NAT8L: variants seen among roughly 807,000 people sequenced by gnomAD.
NAT8L encodes the protein N-acetylaspartate synthetase.
A neutral mutation model predicts 21.2 loss-of-function variants in NAT8L; 6 were observed. The ratio of observed to expected loss-of-function variants is 0.28; its 90% CI spans 0.16 to 0.56. The LOEUF is 0.56. NAT8L is among the 20% of genes least tolerant of loss of function. The pLI, the probability that NAT8L is intolerant of heterozygous loss-of-function variation, is 0.93. For missense variants in NAT8L, 331 were observed against 433.3 expected (o/e 0.76, Z 2.10); for synonymous variants, 239 against 204.9 (o/e 1.17, Z -1.42).
chr4:2,062,261 C>T (rs1266728829), intron 2 of NAT8L, among the ~76,000 whole-genome samples: 4 of 152,124 alleles, frequency 2.6e-5, no homozygotes, highest in African/African-American at 7.2e-5. Flanking sequence ...CTGGGAGCTG[C>T]TTGTGCACAT....
intron 2 of NAT8L, among the ~76,000 whole-genome samples, chr4:2,062,891 C>T (rs1367945803): frequency 7.9e-5 from 12 of 152,192 alleles, no homozygotes; most frequent in South Asian, 4.1e-4. Context: ...CTGGGTGCCA[C>T]CTCTGCCTTT....
rs536401527 is a variant in NAT8L, at chr4:2,060,967, C to T, written c.377-31C>T. ...GTCTCTGGGGCCTGGGGACCCCCGC[C>T]GCGCCGCTGACCCGCGCCCTCTGCC... On this transcript the variant is annotated intron_variant, in intron 1 of 2. Coordinates refer to ENST00000423729, the MANE Select transcript of NAT8L (RefSeq NM_178557.4). The surrounding 1 kb of genome is among the most constrained non-coding windows in gnomAD (Gnocchi z 4.7). 4.5e-6 allele frequency: 6 copies of T among 1,346,490 alleles called. No individual in the cohort carries two copies. The African/African-American group carries it at 6.1e-5, about 14-fold the overall frequency. 83.4% of individuals were successfully genotyped at this position (1,346,490 alleles called of 1,614,324 possible).
In NAT8L at chr4:2,059,960, CGGACCCCGCGCCCGGCTCCCGG is replaced by C. The variant is rs1216195186; in HGVS notation, c.376+79_376+100del. ...GAGCTCCCCCGCCCCGGCGTCCACG[CGGACCCCGCGCCCGGCTCCCGG>C]GGACCAGCCTGGGAAGCCCCCCGCT... is the stretch of plus-strand genomic sequence containing the variant. On this transcript the variant is annotated intron_variant, in intron 1 of 2. Transcript: ENST00000423729. The surrounding 1 kb of genome is among the most constrained non-coding windows in gnomAD (Gnocchi z 4.8). The C allele has an allele frequency of 2.5e-4, 224 of 905,084 alleles. No homozygotes were observed. In the African/African-American group the frequency reaches 3.8e-3, roughly 16 times the overall value. The allele number at this position is 905,084 out of a possible 1,614,324, so 56.1% of individuals were successfully genotyped here. A position where few individuals can be genotyped will look rare whatever the true frequency, so the allele number is the denominator to read the frequency against.
At chr4:2,061,803 GC>G (rs1230342018) in intron 2 of NAT8L, among the ~76,000 whole-genome samples, 1 of 152,156 alleles carries the variant, frequency 6.6e-6, no homozygotes, top group Non-Finnish European at 1.5e-5. Flanking sequence ...TGAAGACTCT[GC>G]TCTCTGGGGT....
Position 2,059,482 on chromosome 4 carries a change from TC to T in NAT8L, c.-26del, listed in dbSNP as rs1729809132. Reference sequence around the variant, plus strand: ...CCGTGCCCGCCGCCGCCCGGCCGCGTCCCCGCTGCCGCGCCGCCCGGCCGGG... The same window carrying T: ...CCGTGCCCGCCGCCGCCCGGCCGCGTCCCGCTGCCGCGCCGCCCGGCCGGG... On this transcript the variant is annotated 5_prime_UTR_variant, in exon 1 of 3. Coordinates refer to ENST00000423729, the MANE Select transcript of NAT8L (RefSeq NM_178557.4). The surrounding 1 kb of genome is among the most constrained non-coding windows in gnomAD (Gnocchi z 4.8). 1 of 927,826 alleles carries T rather than the reference TC, an allele frequency of 1.1e-6. No homozygotes were observed. The highest frequency in any genetic ancestry group is 1.3e-6 in the Non-Finnish European group (1 of 784,724). The allele number at this position is 927,826 out of a possible 1,614,324, so 57.5% of individuals were successfully genotyped here.
chr4:2,061,188 G>T, intron 2 of NAT8L, 26 bp downstream of exon 2: 1 of 1,609,844 alleles, frequency 6.2e-7, no homozygotes, highest in South Asian at 1.1e-5. Flanking sequence ...GCCGCTCCCC[G>T]ACCTCCGCCC....
chr4:2,064,474 C>CCT lies in NAT8L; in HGVS notation c.*350_*351dup, dbSNP rs1339629746. ...CCAGCCTTGCTCACCAAGCACAGAA[C>CCT]CTCTGCAGCAGATCCCGGGGCCAGG... On this transcript the variant is annotated 3_prime_UTR_variant, in exon 3 of 3. Transcript: ENST00000423729. The CCT allele has an allele frequency of 6.3e-6, 1 of 159,522 alleles. No homozygotes were observed. Among genetic ancestry groups the CCT allele is most frequent in the African/African-American group, 2.4e-5 (1 of 41,570 alleles). 9.9% of individuals were successfully genotyped at this position (159,522 alleles called of 1,614,324 possible).
chr4:2,062,881 C>T (rs987610965), intron 2 of NAT8L, among the ~76,000 whole-genome samples: 7 of 152,220 alleles, frequency 4.6e-5, no homozygotes, highest in African/African-American at 1.7e-4. Flanking sequence ...AGAGAGGTCT[C>T]TGGGTGCCAC....
intron 2 of NAT8L, 53 bp downstream of exon 2, chr4:2,061,215 G>A: frequency 1.2e-6 from 2 of 1,604,276 alleles, no homozygotes; most frequent in Admixed American, 1.7e-5. Flanking sequence ...GCCCTCGGGG[G>A]CACGCACTCC....
rs993763750 is a variant in NAT8L, at chr4:2,059,862, G to A, written c.351G>A (p.Ala117=). ...GCGGCCTGCGGCAGCACCCGCGCGC[G>A]CAGCTGCTCTACGCCCTGCTGGCGG... is the stretch of plus-strand genomic sequence containing the variant. ...AFRGLRQHPR[A]QLLYALLAAL... is the part of the protein sequence containing the mutation. Residue 117 remains alanine (A), a synonymous_variant, in exon 1 of 3, where the codon GCG becomes GCA. Transcript: ENST00000423729. This position sits in a 1 kb window ranked among gnomAD's most constrained non-coding sequence, Gnocchi z 4.8. 16 of 1,374,410 alleles carry A rather than the reference G, an allele frequency of 1.2e-5. No homozygotes were observed. Among genetic ancestry groups the A allele is most frequent in the African/African-American group, 1.5e-5 (1 of 65,454 alleles). 85.1% of individuals were successfully genotyped at this position (1,374,410 alleles called of 1,614,324 possible). A position where few individuals can be genotyped will look rare whatever the true frequency, so the allele number is the denominator to read the frequency against.
chr4:2,063,974 G>C lies in NAT8L; in HGVS notation c.756G>C (p.Lys252Asn). The C allele has an allele frequency of 6.2e-7, 1 of 1,611,740 alleles. No homozygotes were observed. The highest frequency in any genetic ancestry group is 8.5e-7 in the Non-Finnish European group (1 of 1,179,518). ...SAVVLGTTAVKVAAHKLYESL... is the reference protein window; with the variant it reads ...SAVVLGTTAVNVAAHKLYESL... ...TGGTGCTGGGCACGACGGCCGTCAA[G>C]GTGGCCGCCCACAAGCTCTACGAGT... Residue 252 changes from lysine (K) to asparagine (N), a missense_variant, in exon 3 of 3, where the codon AAG becomes AAC. By Grantham distance (94) the Lys-to-Asn change is moderately conservative. Around this residue, in one of 2 missense-constraint regions of NAT8L, gnomAD observed 132 missense variants for 237.1 expected, o/e 0.56. Coordinates refer to ENST00000423729, the MANE Select transcript of NAT8L (RefSeq NM_178557.4).
chr4:2,063,203 T>C (rs915545192), intron 2 of NAT8L, among the ~76,000 whole-genome samples: 1 of 152,264 alleles, frequency 6.6e-6, no homozygotes, highest in African/African-American at 2.4e-5. Context: ...GGACGCACTT[T>C]GCTGACCCCT....
At chr4:2,063,709 G>T in intron 2 of NAT8L, 51 bp from the exon 3 acceptor site, 1 of 1,603,084 alleles carries the variant, frequency 6.2e-7, no homozygotes, top group Non-Finnish European at 8.5e-7. Flanking sequence ...AGGTGGAGGG[G>T]TCTCCCCAGC....
In NAT8L at chr4:2,059,448, T is replaced by G; in HGVS notation, c.-64T>G. The G allele has an allele frequency of 1.3e-6, 1 of 788,198 alleles. No individual in the cohort carries two copies. The highest frequency in any genetic ancestry group is 1.4e-4 in the East Asian group (1 of 7,184). 48.8% of individuals were successfully genotyped at this position (788,198 alleles called of 1,614,324 possible). A position where few individuals can be genotyped will look rare whatever the true frequency, so the allele number is the denominator to read the frequency against. On this transcript the variant is annotated 5_prime_UTR_variant, in exon 1 of 3. Transcript: ENST00000423729. The surrounding 1 kb of genome is among the most constrained non-coding windows in gnomAD (Gnocchi z 4.8). ...GTCCGAGGGCGCCGCGCCCTTGCCC[T>G]GGGCCCGGCCGTGCCCGCCGCCGCC...
At position 2,066,289 on chromosome 4, in the gene NAT8L, G is replaced by T. The variant is rs1407863582; in HGVS notation, c.*2162G>T. On this transcript the variant is annotated 3_prime_UTR_variant, in exon 3 of 3. Coordinates refer to ENST00000423729, the MANE Select transcript of NAT8L (RefSeq NM_178557.4). ...TGCGCCCGTGAGTGACCTCTTCCTT[G>T]GCTGCACTGCCCTGTGGGTGGTGAG... is the stretch of plus-strand genomic sequence containing the variant. 1 of 152,296 alleles carries T rather than the reference G, an allele frequency of 6.6e-6. No individual in the cohort carries two copies. Among genetic ancestry groups the T allele is most frequent in the East Asian group, 1.9e-4 (1 of 5,178 alleles). The allele number at this position is 152,296 out of a possible 1,614,324, so 9.4% of individuals were successfully genotyped here. A position where few individuals can be genotyped will look rare whatever the true frequency, so the allele number is the denominator to read the frequency against.
chr4:2,068,381 TATGA>T lies in NAT8L; in HGVS notation c.*4258_*4261del, dbSNP rs1449816603. The T allele has an allele frequency of 6.6e-6, 1 of 152,302 alleles. No homozygotes were observed. The highest frequency in any genetic ancestry group is 1.5e-5 in the Non-Finnish European group (1 of 68,074). The allele number at this position is 152,302 out of a possible 1,614,324, so 9.4% of individuals were successfully genotyped here. On this transcript the variant is annotated 3_prime_UTR_variant, in exon 3 of 3. Transcript: ENST00000423729. ...GGGTATGCATAAGCATGCACGTGTGTATGAATGTGCGTGTGTATGCATGAGCACG... is the reference window on the plus strand; with the variant it reads ...GGGTATGCATAAGCATGCACGTGTGTATGTGCGTGTGTATGCATGAGCACG...
Position 2,060,543 on chromosome 4 carries a change from C to A in NAT8L, c.377-455C>A, listed in dbSNP as rs1192185061. 6.6e-6 allele frequency among the ~76,000 whole-genome samples: 1 copy of A among 152,194 alleles called. No homozygotes were observed. Among genetic ancestry groups the A allele is most frequent in the Non-Finnish European group, 1.5e-5 (1 of 68,030 alleles). ...TCCCTGCCCTCAGAGCTCCCGGACGCTGGCCAGGAAGGGCTCTTGCTGGGG... is the reference window on the plus strand; with the variant it reads ...TCCCTGCCCTCAGAGCTCCCGGACGATGGCCAGGAAGGGCTCTTGCTGGGG... On this transcript the variant is annotated intron_variant, in intron 1 of 2. Transcript: ENST00000423729. This position sits in a 1 kb window ranked among gnomAD's most constrained non-coding sequence, Gnocchi z 4.7.
At position 2,064,001 on chromosome 4, in the gene NAT8L, G is replaced by T. The variant is rs1171169324; in HGVS notation, c.783G>T (p.Ser261=). 3.7e-6 allele frequency: 6 copies of T among 1,611,590 alleles called. No homozygotes were observed. Among genetic ancestry groups the T allele is most frequent in the Non-Finnish European group, 5.1e-6 (6 of 1,179,520 alleles). Residue 261 remains serine, a synonymous_variant, in exon 3 of 3, where the codon TCG becomes TCT. Coordinates refer to ENST00000423729, the MANE Select transcript of NAT8L (RefSeq NM_178557.4). The stretch of plus-strand genomic sequence containing the variant: ...TGGCCGCCCACAAGCTCTACGAGTC[G>T]CTGGGCTTCAGACACATGGGCGCCA... ...VKVAAHKLYE[S]LGFRHMGASD...
chr4:2,061,191 C>T (rs1423084354), intron 2 of NAT8L, 29 bp downstream of exon 2: 1 of 1,609,932 alleles, frequency 6.2e-7, no homozygotes, highest in Admixed American at 1.7e-5. Flanking sequence ...GCTCCCCGAC[C>T]TCCGCCCCAG....
Sources: gnomAD v4.1 joint callset for allele counts (sites outside exome capture counted in the v4.1 genomes callset) on GRCh38, gnomAD v4.1.1 for gene constraint, gnomAD v4.1.1 regional missense constraint, Gnocchi (gnomAD v3.1) non-coding constraint, MANE v1.5 for transcripts, NCBI Gene and HGNC (gene_info 2026-07-23, HGNC 2026-07-21) for gene names.